Variants in SEMA3D observed in about 807,000 individuals in gnomAD.
SEMA3D encodes semaphorin-3D.
A neutral mutation model predicts 100.1 loss-of-function variants in SEMA3D; 84 were observed. The observed-to-expected ratio is 0.84, with a 90% CI of 0.70 to 1.01. The LOEUF is 1.01. SEMA3D is among the 50% of genes least tolerant of loss of function. The pLI is 0.00. For synonymous variants in SEMA3D, 312 were observed against 320.7 expected (o/e 0.97, Z 0.29); for missense variants, 875 against 934.1 (o/e 0.94, Z 0.82).
At chr7:85,033,938 T>A (rs750088306) in intron 12 of SEMA3D, among the ~76,000 whole-genome samples, 1 of 151,280 alleles carries the variant, frequency 6.6e-6, no homozygotes, top group Non-Finnish European at 1.5e-5. Context: ...ATTTTTGTAG[T>A]GCAACATCAT....
chr7:85,246,185 T>G, the SEMA3D span, among the ~76,000 whole-genome samples: 2 of 152,252 alleles, frequency 1.3e-5, no homozygotes, highest in South Asian at 4.1e-4. Context: ...GCCTTCTTTA[T>G]GTTTACAATT....
At chr7:85,026,034 G>C (rs1477850003) in intron 12 of SEMA3D, among the ~76,000 whole-genome samples, 1 of 151,972 alleles carries the variant, frequency 6.6e-6, no homozygotes, top group Non-Finnish European at 1.5e-5. Flanking sequence ...AAGCCAGTTG[G>C]GAAGGTTAAT....
In SEMA3D at chr7:84,999,728, A is replaced by G. The variant is rs750329271; in HGVS notation, c.2046T>C (p.Asn682=). The change falls in exon 19 of 19, where the codon AAT becomes AAC. Residue 682 remains asparagine, a synonymous_variant. Transcript: ENST00000284136. ...FIHTIVKLTL[N]VIENEQMENT... ...TTTCCATCTGTTCATTCTCAATGAC[A>G]TTCAAAGTCAGCTTCACTATGGTGT... 8.1e-6 allele frequency: 13 copies of G among 1,613,938 alleles called. No homozygotes were observed. In the South Asian group the frequency reaches 1.1e-4, roughly 14 times the overall value.
At position 85,141,778 on chromosome 7, in the gene SEMA3D, C is replaced by T. The variant is rs924011556; in HGVS notation, c.-41+11830G>A. The T allele has an allele frequency of 5.0e-5, 40 of 805,608 alleles. 1 individual carries two copies. In the South Asian group the frequency reaches 2.0e-3, roughly 41 times the overall value. 49.9% of individuals were successfully genotyped at this position (805,608 alleles called of 1,614,324 possible). ...TTTTCTCAAGGTTTTTGCCAAGTCT[C>T]ATAAATCTGGGAAAAGGCGGTCAGT... On this transcript the variant is annotated intron_variant, in intron 2 of 18. Coordinates refer to ENST00000284136, the MANE Select transcript of SEMA3D (RefSeq NM_001384900.1).
At chr7:85,196,830 C>T in the SEMA3D span, among the ~76,000 whole-genome samples, 1 of 152,006 alleles carries the variant, frequency 6.6e-6, no homozygotes, top group Non-Finnish European at 1.5e-5. Flanking sequence ...ATGAAAAAGA[C>T]AAAATGCCAA....
intron 4 of SEMA3D, among the ~76,000 whole-genome samples, chr7:85,087,213 G>A (rs889576144): frequency 6.6e-6 from 1 of 152,190 alleles, no homozygotes; most frequent in Non-Finnish European, 1.5e-5. Context: ...ACTTATCAAA[G>A]AGAGTCATAC....
chr7:85,096,097 C>T (rs17159612), intron 4 of SEMA3D, among the ~76,000 whole-genome samples: 33,573 of 151,844 alleles, frequency 0.22, 4,395 homozygotes, highest in East Asian at 0.38. Context: ...GAAAAAATGC[C>T]TTTTAAGCTA....
chr7:85,058,314 G>T (rs567688361), intron 8 of SEMA3D, among the ~76,000 whole-genome samples: 2 of 152,018 alleles, frequency 1.3e-5, no homozygotes, highest in Admixed American at 1.3e-4. Context: ...TCCATTCAAT[G>T]TCTTCCCCAA....
At chr7:85,070,399 T>G (rs1791737940) in intron 6 of SEMA3D, among the ~76,000 whole-genome samples, 1 of 152,168 alleles carries the variant, frequency 6.6e-6, no homozygotes, top group African/African-American at 2.4e-5. Flanking sequence ...CCCTGTTTCT[T>G]CCCATTGCCC....
At chr7:85,184,425 CG>C (rs535795223) in intron 1 of SEMA3D, among the ~76,000 whole-genome samples, 152 of 151,986 alleles carry the variant, frequency 1.0e-3, no homozygotes, top group Non-Finnish European at 1.7e-3. Flanking sequence ...TTAAGAATTA[CG>C]GTTCTTCATT....
chr7:85,132,551 T>C (rs929243378), intron 2 of SEMA3D, among the ~76,000 whole-genome samples: 6 of 151,906 alleles, frequency 3.9e-5, no homozygotes, highest in African/African-American at 1.4e-4. Context: ...CTGGTGGTTC[T>C]AACATGGACT....
chr7:85,023,655 C>T (rs938946934), intron 12 of SEMA3D, among the ~76,000 whole-genome samples: 3 of 151,646 alleles, frequency 2.0e-5, no homozygotes. Context: ...TTAAACTTGG[C>T]ACTAATTAGA....
Position 85,124,943 on chromosome 7 carries a change from C to T in SEMA3D, c.-40-3012G>A, listed in dbSNP as rs115151265. ...GTTCCACCCACATTCATCAGTGCTT[C>T]TCCAATCGCATTATCCTGTTCCTTC... On this transcript the variant is annotated intron_variant, in intron 2 of 18. Coordinates refer to ENST00000284136, the MANE Select transcript of SEMA3D (RefSeq NM_001384900.1). Among the ~76,000 whole-genome samples, 351 of 152,244 alleles carry T rather than the reference C, an allele frequency of 2.3e-3. 1 individual carries two copies. The highest frequency in any genetic ancestry group is 7.9e-3 in the African/African-American group (328 of 41,578).
At chr7:85,054,219 C>A (rs923475886) in intron 9 of SEMA3D, among the ~76,000 whole-genome samples, 2 of 151,856 alleles carry the variant, frequency 1.3e-5, no homozygotes, top group Non-Finnish European at 2.9e-5. Context: ...TGAACTGGTG[C>A]ACAAAATATA....
chr7:85,164,800 T>C lies in SEMA3D; in HGVS notation c.-172-11061A>G, dbSNP rs1790851106. ...AATATTGATTTTAGAACTTAGAACC[T>C]GTATAAAACTCAACTCCATTGTATT... is the stretch of plus-strand genomic sequence containing the variant. On this transcript the variant is annotated intron_variant, in intron 1 of 18. Transcript: ENST00000284136. Among the ~76,000 whole-genome samples, 3 of 152,246 alleles carry C rather than the reference T, an allele frequency of 2.0e-5. No homozygotes were observed. In the South Asian group the frequency reaches 6.2e-4, roughly 32 times the overall value.
intron 12 of SEMA3D, among the ~76,000 whole-genome samples, chr7:85,023,230 T>C (rs1429477152): frequency 6.6e-6 from 1 of 151,892 alleles, no homozygotes; most frequent in Non-Finnish European, 1.5e-5. Flanking sequence ...CTTATGTGCC[T>C]TTCAGCATCC....
At chr7:85,010,278 C>T (rs1262386892) in intron 17 of SEMA3D, among the ~76,000 whole-genome samples, 2 of 151,850 alleles carry the variant, frequency 1.3e-5, no homozygotes, top group Non-Finnish European at 2.9e-5. Context: ...AAGCATCTTA[C>T]ATGCCATAGG....
At chr7:85,208,755 G>A in the SEMA3D span, among the ~76,000 whole-genome samples, 5 of 152,032 alleles carry the variant, frequency 3.3e-5, no homozygotes, top group Non-Finnish European at 4.4e-5. Flanking sequence ...GGCAAAGACA[G>A]TAGGTAAGTT....
At chr7:85,231,217 G>A in the SEMA3D span, among the ~76,000 whole-genome samples, 1 of 151,824 alleles carries the variant, frequency 6.6e-6, no homozygotes, top group Non-Finnish European at 1.5e-5. Flanking sequence ...CTTTTACTAT[G>A]CTGTAGCGTC....
Sources: allele counts gnomAD v4.1 joint callset (sites outside exome capture counted in the v4.1 genomes callset), GRCh38; gene constraint gnomAD v4.1.1; transcripts MANE v1.5; gene names NCBI Gene and HGNC (gene_info 2026-07-23, HGNC 2026-07-21).